Variants in MYO6 observed in about 807,000 individuals in gnomAD.
MYO6 encodes the protein myosin VI, also known as unconventional myosin-VI.
Under a neutral mutation model 178.7 loss-of-function variants are expected in MYO6, and 74 were observed. That is an observed-to-expected ratio of 0.41 (90% confidence interval 0.34 to 0.50). The LOEUF (loss-of-function observed/expected upper bound fraction) is 0.50, where lower values mean the gene tolerates loss of function less well. Ranked by LOEUF, MYO6 falls within the 20% of genes least tolerant of loss-of-function variation. The pLI is 0.09. For missense variants in MYO6, 1,330 were observed against 1,547.4 expected (o/e 0.86, Z 2.36); for synonymous variants, 477 against 504.6 (o/e 0.95, Z 0.73).
chr6:75,879,778 GA>G (rs1777870157), intron 20 of MYO6, 41 bp from the exon 21 acceptor site: 2 of 1,613,716 alleles, frequency 1.2e-6, no homozygotes, highest in Non-Finnish European at 1.7e-6. Context: ...TTGGACTTCC[GA>G]ACAGTGATTG....
intron 1 of MYO6, among the ~76,000 whole-genome samples, chr6:75,778,808 G>T (rs117039231): frequency 0.017 from 2,617 of 151,672 alleles, 53 homozygotes; most frequent in East Asian, 0.11. Flanking sequence ...TGTAATCCCA[G>T]TATTTTGAGA....
At chr6:75,755,521 T>C (rs1777272451) in intron 1 of MYO6, among the ~76,000 whole-genome samples, 2 of 152,210 alleles carry the variant, frequency 1.3e-5, no homozygotes, top group African/African-American at 4.8e-5. Flanking sequence ...TTAAATAGAT[T>C]GCTAGACTGA....
rs1781062099 is a variant in MYO6, at chr6:75,915,290, C to T, written c.*278C>T. ...TATTCTGATGTTTCTCATCCTTTGC[C>T]AGAAGACTACCTTACATCCATCGTA... is the stretch of plus-strand genomic sequence containing the variant. On this transcript the variant is annotated 3_prime_UTR_variant, in exon 35 of 35. Transcript: ENST00000369977. 2.1e-6 allele frequency: 1 copy of T among 467,706 alleles called. No individual in the cohort carries two copies. The highest frequency in any genetic ancestry group is 3.4e-5 in the Admixed American group (1 of 29,412). The allele number at this position is 467,706 out of a possible 1,614,324, so 29.0% of individuals were successfully genotyped here.
Position 75,867,089 on chromosome 6 carries a change from T to C in MYO6, c.1928T>C (p.Val643Ala), listed in dbSNP as rs1776763864. 1.2e-6 allele frequency: 2 copies of C among 1,613,208 alleles called. No homozygotes were observed. Among genetic ancestry groups the C allele is most frequent in the Non-Finnish European group, 1.7e-6 (2 of 1,179,618 alleles). ...GCAGGAAAACTTAGCTTCATCAGCG[T>C]GGGAAACAAGTTTAAGGTATTTGTG... Reference protein sequence around the residue: ...QKAGKLSFISVGNKFKTQLNL... With the variant: ...QKAGKLSFISAGNKFKTQLNL... The change falls in exon 18 of 35, where the codon GTG becomes GCG. Residue 643 changes from valine (V) to alanine (A), a missense_variant. This residue lies in a region of MYO6 where 613 missense variants were observed against 816.8 expected (regional missense o/e 0.75). Coordinates refer to ENST00000369977, the MANE Select transcript of MYO6 (RefSeq NM_004999.4).
At chr6:75,895,204 A>C in intron 28 of MYO6, 27 bp from the exon 29 acceptor site, 1 of 1,571,140 alleles carries the variant, frequency 6.4e-7, no homozygotes. Flanking sequence ...TGGTTACGAT[A>C]TTAACTAAAA....
intron 16 of MYO6, among the ~76,000 whole-genome samples, chr6:75,863,211 C>T (rs1488072579): frequency 5.3e-5 from 8 of 152,148 alleles, no homozygotes; most frequent in African/African-American, 1.9e-4. Flanking sequence ...CACTCGGAGT[C>T]GCAAGCAGCC....
chr6:75,805,595 T>C (rs1562184168), intron 1 of MYO6, among the ~76,000 whole-genome samples: 2 of 152,224 alleles, frequency 1.3e-5, no homozygotes, highest in Non-Finnish European at 1.5e-5. Context: ...AAAGCCACGA[T>C]TGCCTTCTGT....
intron 29 of MYO6, among the ~76,000 whole-genome samples, chr6:75,896,015 C>T (rs1205877007): frequency 6.6e-6 from 1 of 151,888 alleles, no homozygotes; most frequent in East Asian, 1.9e-4. Context: ...TGAAAATCTA[C>T]CCACAAAGAA....
At chr6:75,778,482 A>G (rs778864765) in intron 1 of MYO6, among the ~76,000 whole-genome samples, 4 of 152,020 alleles carry the variant, frequency 2.6e-5, no homozygotes, top group Non-Finnish European at 5.9e-5. Flanking sequence ...CTGTAGTCCC[A>G]GCTACTCAGG....
chr6:75,799,835 A>G (rs1331904071), intron 1 of MYO6, among the ~76,000 whole-genome samples: 1 of 152,162 alleles, frequency 6.6e-6, no homozygotes, highest in Non-Finnish European at 1.5e-5. Flanking sequence ...ATAGAAGCAT[A>G]GCACTGCTTC....
chr6:75,822,215 A>G (rs1771958653), intron 2 of MYO6, among the ~76,000 whole-genome samples: 1 of 151,796 alleles, frequency 6.6e-6, no homozygotes, highest in South Asian at 2.1e-4. Flanking sequence ...CTCCTGCCTC[A>G]GCCTCCCCAG....
intron 1 of MYO6, among the ~76,000 whole-genome samples, chr6:75,760,286 CT>C (rs2149984171): frequency 6.6e-6 from 1 of 152,208 alleles, no homozygotes; most frequent in South Asian, 2.1e-4. Flanking sequence ...AGTTTGTGCT[CT>C]TTATTTTGGA....
intron 2 of MYO6, 104 bp downstream of exon 2, chr6:75,817,768 A>C: frequency 9.8e-7 from 1 of 1,017,912 alleles, no homozygotes; most frequent in East Asian, 2.5e-5. Flanking sequence ...TATTTGGGAA[A>C]GCATATTTCT....
intron 1 of MYO6, among the ~76,000 whole-genome samples, chr6:75,812,102 T>G (rs2150149862): frequency 6.6e-6 from 1 of 152,238 alleles, no homozygotes; most frequent in Non-Finnish European, 1.5e-5. Context: ...TACTGCAACT[T>G]TGAACTCCTG....
At chr6:75,758,103 G>T (rs190183991) in intron 1 of MYO6, among the ~76,000 whole-genome samples, 1 of 146,594 alleles carries the variant, frequency 6.8e-6, no homozygotes, top group Non-Finnish European at 1.5e-5. Flanking sequence ...TCAGCTTCCC[G>T]AGTAGCTGGG....
intron 1 of MYO6, among the ~76,000 whole-genome samples, chr6:75,767,183 G>A (rs187456533): frequency 2.0e-5 from 3 of 151,740 alleles, no homozygotes; most frequent in Admixed American, 6.6e-5. Context: ...GCACCACCAC[G>A]CCCAGCTAAT....
At chr6:75,755,293 A>G (rs1313088461) in intron 1 of MYO6, among the ~76,000 whole-genome samples, 1 of 152,200 alleles carries the variant, frequency 6.6e-6, no homozygotes, top group African/African-American at 2.4e-5. Context: ...GTGGCTACTT[A>G]GAAGCATCAT....
intron 1 of MYO6, among the ~76,000 whole-genome samples, chr6:75,757,316 A>G (rs988644968): frequency 1.3e-5 from 2 of 149,416 alleles, no homozygotes; most frequent in Non-Finnish European, 3.0e-5. Flanking sequence ...ACACACATAT[A>G]CATATAGAAC....
chr6:75,883,035 G>T (rs1249204278), intron 23 of MYO6, among the ~76,000 whole-genome samples: 1 of 152,118 alleles, frequency 6.6e-6, no homozygotes, highest in Non-Finnish European at 1.5e-5. Flanking sequence ...AAGTGCAGAT[G>T]TATGATAAAG....
Sources: allele counts gnomAD v4.1 joint callset (sites outside exome capture counted in the v4.1 genomes callset), GRCh38; gene constraint gnomAD v4.1.1; regional missense constraint gnomAD v4.1.1; transcripts MANE v1.5; gene names NCBI Gene and HGNC (gene_info 2026-07-23, HGNC 2026-07-21).